Variants in PDE4D observed in about 807,000 individuals in gnomAD.
PDE4D encodes the protein 3',5'-cyclic-AMP phosphodiesterase 4D.
Under a neutral mutation model 87.4 loss-of-function variants are expected in PDE4D, and 24 were observed. The observed-to-expected ratio is 0.27, with a 90% CI of 0.20 to 0.39. The LOEUF (loss-of-function observed/expected upper bound fraction) is 0.39. Ranked by LOEUF, PDE4D falls within the 10% of genes least tolerant of loss-of-function variation. The pLI, the probability that PDE4D is intolerant of heterozygous loss-of-function variation, is 1.00. For missense variants in PDE4D, 714 were observed against 1,041.0 expected (o/e 0.69, Z 4.32); for synonymous variants, 384 against 383.2 (o/e 1.00, Z -0.02).
intron 1 of PDE4D, among the ~76,000 whole-genome samples, chr5:59,550,547 G>C (rs1817944274): frequency 6.6e-6 from 1 of 151,922 alleles, no homozygotes; most frequent in African/African-American, 2.4e-5. Flanking sequence ...TTTTAATCTT[G>C]AATACTCTTT....
intron 5 of PDE4D, among the ~76,000 whole-genome samples, chr5:59,050,683 A>G (rs918486555): frequency 6.6e-6 from 1 of 152,238 alleles, no homozygotes; most frequent in Non-Finnish European, 1.5e-5. Context: ...AGTGTGATAG[A>G]TCAGAAAGAG....
chr5:59,199,836 GTGTATA>G (rs1275535872), intron 2 of PDE4D, among the ~76,000 whole-genome samples: 1 of 151,786 alleles, frequency 6.6e-6, no homozygotes, highest in African/African-American at 2.4e-5. Context: ...GTGTGTGTAT[GTGTATA>G]TGTATATATA....
chr5:59,998,547 T>G (rs1221929933), intron 2 of PDE4D, among the ~76,000 whole-genome samples: 3 of 152,162 alleles, frequency 2.0e-5, no homozygotes, highest in Non-Finnish European at 4.4e-5. Context: ...TTAAGAAATC[T>G]ATACAACTTT....
chr5:60,182,521 AC>A (rs1437158154), intron 2 of PDE4D, among the ~76,000 whole-genome samples: 51 of 152,258 alleles, frequency 3.3e-4, no homozygotes, highest in Admixed American at 1.6e-3. Context: ...AATCCCAGCT[AC>A]TCAGGAGGCT....
chr5:60,393,165 A>G (rs1157400374), intron 1 of PDE4D, among the ~76,000 whole-genome samples: 1 of 152,194 alleles, frequency 6.6e-6, no homozygotes, highest in African/African-American at 2.4e-5. Context: ...GCTTATACCA[A>G]TTCCACAACC....
intron 1 of PDE4D, among the ~76,000 whole-genome samples, chr5:59,783,869 C>A (rs1342780602): frequency 6.6e-6 from 1 of 152,066 alleles, no homozygotes; most frequent in Non-Finnish European, 1.5e-5. Context: ...GAGTTCAAGA[C>A]CAGCCTGGGC....
chr5:59,797,134 T>TAAAAAAAAAAAAAAAA (rs36051421), intron 1 of PDE4D: 1 of 114,996 alleles, frequency 8.7e-6, no homozygotes, highest in Non-Finnish European at 1.8e-5. Flanking sequence ...ACATTCTCTC[T>TAAAAAAAAAAAAAAAA]AAAAAAAAAA....
intron 2 of PDE4D, among the ~76,000 whole-genome samples, chr5:60,046,210 T>G (rs1769224036): frequency 6.6e-6 from 1 of 152,240 alleles, no homozygotes; most frequent in South Asian, 2.1e-4. Flanking sequence ...TTTTGTACAT[T>G]GATTTTGTAT....
chr5:59,147,461 G>T (rs946161987), intron 5 of PDE4D, among the ~76,000 whole-genome samples: 21 of 152,062 alleles, frequency 1.4e-4, no homozygotes, highest in African/African-American at 4.8e-5. Flanking sequence ...ATTCAACTTT[G>T]AATACATTGA....
intron 3 of PDE4D, among the ~76,000 whole-genome samples, chr5:59,924,567 A>G (rs1393329762): frequency 2.0e-5 from 3 of 149,910 alleles, no homozygotes; most frequent in Admixed American, 1.3e-4. Context: ...AAGTGTGGAA[A>G]AAAAAAAAAA....
At chr5:59,140,565 G>A (rs1283893943) in intron 5 of PDE4D, among the ~76,000 whole-genome samples, 1 of 152,186 alleles carries the variant, frequency 6.6e-6, no homozygotes, top group African/African-American at 2.4e-5. Flanking sequence ...AGAGAGTGTT[G>A]AAGTTCTTAA....
At chr5:60,287,491 G>A (rs1220093406) in intron 1 of PDE4D, among the ~76,000 whole-genome samples, 2 of 152,222 alleles carry the variant, frequency 1.3e-5, no homozygotes, top group African/African-American at 4.8e-5. Context: ...TACCCTGTGT[G>A]CCTTGCACTT....
intron 1 of PDE4D, among the ~76,000 whole-genome samples, chr5:60,473,400 G>A (rs1748009852): frequency 6.6e-6 from 1 of 152,040 alleles, no homozygotes; most frequent in Non-Finnish European, 1.5e-5. Context: ...CCACATAGGG[G>A]TAATGGGGTA....
At chr5:60,084,404 G>GCGCGCGCGCGTGTGCGCA (rs1311471299) in intron 2 of PDE4D, among the ~76,000 whole-genome samples, 2 of 151,752 alleles carry the variant, frequency 1.3e-5, no homozygotes, top group Non-Finnish European at 2.9e-5. Context: ...GTGTGTGTGT[G>GCGCGCGCGCGTGTGCGCA]TGCGCGCGCG....
intron 1 of PDE4D, among the ~76,000 whole-genome samples, chr5:59,448,978 G>A (rs1213135531): frequency 6.6e-6 from 1 of 152,090 alleles, no homozygotes; most frequent in Admixed American, 6.6e-5. Context: ...CCCCAGGTGA[G>A]TCTGTTATAA....
chr5:59,193,878 G>C (rs1744858793), intron 2 of PDE4D: 3 of 643,292 alleles, frequency 4.7e-6, no homozygotes, highest in Non-Finnish European at 3.9e-6. Context: ...TATTAGTAAG[G>C]GGTGCTGTGG....
rs74789800 is a variant in PDE4D at position 59,769,777 on chromosome 5, G to A, written c.455+123391C>T. On this transcript the variant is annotated intron_variant, in intron 1 of 14. Transcript: ENST00000340635. ...ATTGAAATCAAATCACATCTCTAAC[G>A]ATCTAGGAATATTTTATGTTTCTTA... Among the ~76,000 whole-genome samples, 547 of 151,352 alleles carry A rather than the reference G, an allele frequency of 3.6e-3. 4 individuals carry two copies. Among genetic ancestry groups the A allele is most frequent in the African/African-American group, 0.013 (526 of 41,222 alleles).
intron 1 of PDE4D, among the ~76,000 whole-genome samples, chr5:59,714,730 A>G (rs1754740233): frequency 6.6e-6 from 1 of 152,202 alleles, no homozygotes; most frequent in Non-Finnish European, 1.5e-5. Context: ...TGCTGCAGGG[A>G]TATATGCATA....
chr5:59,717,423 A>C (rs1407806466), intron 1 of PDE4D, among the ~76,000 whole-genome samples: 1 of 152,202 alleles, frequency 6.6e-6, no homozygotes, highest in Non-Finnish European at 1.5e-5. Flanking sequence ...CCTTATCTTT[A>C]TTTCTTATAA....
Sources: allele counts gnomAD v4.1 joint callset (sites outside exome capture counted in the v4.1 genomes callset), GRCh38; gene constraint gnomAD v4.1.1; transcripts MANE v1.5; gene names NCBI Gene and HGNC (gene_info 2026-07-23, HGNC 2026-07-21).